UST: variants seen among roughly 807,000 people sequenced by gnomAD.
UST encodes the protein uronyl 2-sulfotransferase.
Under a neutral mutation model 45.6 loss-of-function variants are expected in UST, and 21 were observed. That is an observed-to-expected ratio of 0.46 (90% CI 0.33 to 0.66). UST has a LOEUF of 0.66. UST is among the 30% of genes least tolerant of loss of function. The pLI is 0.02. For synonymous variants in UST, 215 were observed against 200.6 expected (o/e 1.07, Z -0.61); for missense variants, 463 against 512.4 (o/e 0.90, Z 0.93).
chr6:149,057,407 T>C (rs1446927643), intron 7 of UST, among the ~76,000 whole-genome samples: 1 of 152,164 alleles, frequency 6.6e-6, no homozygotes, highest in Non-Finnish European at 1.5e-5. Flanking sequence ...CATGTAACAA[T>C]AAAATAAATG....
At chr6:148,887,934 C>T (rs962117030) in intron 2 of UST, among the ~76,000 whole-genome samples, 6 of 152,296 alleles carry the variant, frequency 3.9e-5, no homozygotes, top group Middle Eastern at 3.4e-3. Context: ...GTGATGCCTA[C>T]AAAATGCAGT....
At chr6:148,893,279 A>G (rs1267421439) in intron 2 of UST, among the ~76,000 whole-genome samples, 1 of 152,252 alleles carries the variant, frequency 6.6e-6, no homozygotes, top group East Asian at 1.9e-4. Context: ...CTCCAAATGA[A>G]TGAGAAGTAG....
intron 3 of UST, among the ~76,000 whole-genome samples, chr6:148,944,508 T>C (rs201210538): frequency 5.6e-5 from 8 of 142,634 alleles, no homozygotes; most frequent in Non-Finnish European, 7.6e-5. Flanking sequence ...GTTGTGATCA[T>C]ACACACACAC....
At chr6:148,773,869 T>A (rs969027325) in intron 1 of UST, among the ~76,000 whole-genome samples, 5 of 152,218 alleles carry the variant, frequency 3.3e-5, no homozygotes, top group African/African-American at 9.6e-5. Context: ...AGGAATCAAA[T>A]TGCCAAATGT....
At chr6:148,917,025 C>A (rs898586262) in intron 2 of UST, among the ~76,000 whole-genome samples, 5 of 152,150 alleles carry the variant, frequency 3.3e-5, no homozygotes, top group Non-Finnish European at 4.4e-5. Context: ...CATGGCCTAG[C>A]CTTGTGCAGT....
chr6:148,884,431 G>A (rs1778876875), intron 1 of UST, among the ~76,000 whole-genome samples: 1 of 152,006 alleles, frequency 6.6e-6, no homozygotes, highest in African/African-American at 2.4e-5. Context: ...TATTCAGAGT[G>A]GGCATCTATA....
At chr6:149,045,364 A>G (rs1014902477) in intron 7 of UST, among the ~76,000 whole-genome samples, 1 of 152,238 alleles carries the variant, frequency 6.6e-6, no homozygotes, top group Non-Finnish European at 1.5e-5. Context: ...AGAAATAAGG[A>G]AAAGGGATTT....
intron 1 of UST, among the ~76,000 whole-genome samples, chr6:148,851,774 A>C (rs1778111583): frequency 1.3e-5 from 2 of 152,214 alleles, no homozygotes; most frequent in South Asian, 2.1e-4. Flanking sequence ...ACCTTTGCAG[A>C]CTTTATGTGT....
chr6:148,968,688 T>G (rs967415764), intron 5 of UST, among the ~76,000 whole-genome samples: 5 of 152,284 alleles, frequency 3.3e-5, no homozygotes, highest in Non-Finnish European at 5.9e-5. Context: ...GAGCATCTTA[T>G]TCCTGCTGAA....
intron 5 of UST, among the ~76,000 whole-genome samples, chr6:149,015,634 T>A (rs1228030236): frequency 1.3e-5 from 2 of 152,062 alleles, no homozygotes; most frequent in Non-Finnish European, 2.9e-5. Flanking sequence ...TTTTCTTTTT[T>A]AAAAAAGCAA....
At chr6:148,955,716 T>C (rs1445734954) in intron 4 of UST, 1 of 152,290 alleles carries the variant, frequency 6.6e-6, no homozygotes, top group East Asian at 1.9e-4. Flanking sequence ...GCTTCCCTGA[T>C]CCTTGCTGTT....
At chr6:148,927,168 G>A (rs909598292) in intron 2 of UST, among the ~76,000 whole-genome samples, 3 of 151,892 alleles carry the variant, frequency 2.0e-5, no homozygotes, top group Non-Finnish European at 2.9e-5. Context: ...CAAAGAGAGA[G>A]TGAGAAAGAG....
intron 1 of UST, among the ~76,000 whole-genome samples, chr6:148,871,932 C>T (rs542896109): frequency 1.0e-3 from 155 of 152,232 alleles, no homozygotes; most frequent in Non-Finnish European, 1.7e-3. Context: ...ATTAACCAGC[C>T]GTGTGTCTTA....
chr6:148,986,936 T>G (rs1031203445), intron 5 of UST, among the ~76,000 whole-genome samples: 1 of 152,288 alleles, frequency 6.6e-6, no homozygotes, highest in Non-Finnish European at 1.5e-5. Flanking sequence ...TTGAAGGTGA[T>G]GCTGATTGAT....
intron 5 of UST, among the ~76,000 whole-genome samples, chr6:148,991,517 C>T (rs545326526): frequency 8.1e-6 from 1 of 124,222 alleles, no homozygotes; most frequent in Non-Finnish European, 1.7e-5. Context: ...CCCCTCCCCC[C>T]ACCCCACGAC....
chr6:148,989,609 A>C (rs1386528134), intron 5 of UST, among the ~76,000 whole-genome samples: 1 of 152,236 alleles, frequency 6.6e-6, no homozygotes, highest in Non-Finnish European at 1.5e-5. Flanking sequence ...GAGATCATAT[A>C]GGTCCCCAAC....
intron 1 of UST, among the ~76,000 whole-genome samples, chr6:148,762,899 A>T (rs6930744): frequency 1.3e-5 from 2 of 152,164 alleles, no homozygotes; most frequent in Admixed American, 6.5e-5. Context: ...TTATCCAGTC[A>T]TCTGTTGATG....
chr6:149,043,938 C>T (rs1256191174), intron 7 of UST, among the ~76,000 whole-genome samples: 2 of 152,328 alleles, frequency 1.3e-5, no homozygotes, highest in East Asian at 3.9e-4. Context: ...ACACAACTCC[C>T]AGAGTGTCTA....
chr6:148,856,659 C>A (rs1409014945), intron 1 of UST, among the ~76,000 whole-genome samples: 1 of 152,204 alleles, frequency 6.6e-6, no homozygotes, highest in African/African-American at 2.4e-5. Context: ...CAGAGATGAT[C>A]TGGGTAAATC....
Sources: allele counts gnomAD v4.1 joint callset (sites outside exome capture counted in the v4.1 genomes callset), GRCh38; gene constraint gnomAD v4.1.1; transcripts MANE v1.5; gene names NCBI Gene and HGNC (gene_info 2026-07-23, HGNC 2026-07-21).